The following CCSER1 variants were observed in gnomAD, a reference collection of about 807,000 sequenced individuals.
The protein encoded by CCSER1 is coiled-coil serine rich protein 1, also known as serine-rich coiled-coil domain-containing protein 1.
In CCSER1, 41 loss-of-function variants were observed where a neutral mutation model predicts 82.0. That is an observed-to-expected ratio of 0.50 (90% confidence interval 0.39 to 0.65). The LOEUF (loss-of-function observed/expected upper bound fraction) is 0.65. Ranked by LOEUF, CCSER1 falls within the 30% of genes least tolerant of loss-of-function variation. The probability of loss-of-function intolerance (pLI) is 0.00; values close to 1 mark genes in which losing one functional copy is unlikely to be tolerated. For missense variants in CCSER1, 1,119 were observed against 1,064.2 expected, an observed-to-expected ratio of 1.05 and a Z score of -0.72; for synonymous variants, 414 against 383.9, an observed-to-expected ratio of 1.08 and a Z score of -0.92.
At position 91,599,214 on chromosome 4, in the gene CCSER1, T is replaced by A; in HGVS notation, c.*157T>A. The A allele has an allele frequency of 1.0e-6, 1 of 954,478 alleles. No homozygotes were observed. The highest frequency in any genetic ancestry group is 1.5e-6 in the Non-Finnish European group (1 of 676,202). The allele number at this position is 954,478 out of a possible 1,614,324, so 59.1% of individuals were successfully genotyped here. A position where few individuals can be genotyped will look rare whatever the true frequency, so the allele number is the denominator to read the frequency against. On this transcript the variant is annotated 3_prime_UTR_variant, in exon 11 of 11. Coordinates refer to ENST00000509176, the MANE Select transcript of CCSER1 (RefSeq NM_001145065.2). ...TTTCTTAGTCATAAACAAAGACTTG[T>A]GGGTTTTTTTTTTCCAAGAGTGAAA... is the stretch of plus-strand genomic sequence containing the variant.
At chr4:90,457,667 G>T (rs899645829) in intron 4 of CCSER1, among the ~76,000 whole-genome samples, 3 of 152,122 alleles carry the variant, frequency 2.0e-5, no homozygotes, top group Non-Finnish European at 4.4e-5. Context: ...GCTTTTATGG[G>T]CTTCAAAGAG....
chr4:91,448,916 A>T (rs1020821781), intron 10 of CCSER1, among the ~76,000 whole-genome samples: 2 of 152,080 alleles, frequency 1.3e-5, no homozygotes. Context: ...AGACAGTGAT[A>T]AGAGTTTTGA....
chr4:90,153,656 A>C (rs1013533025), intron 1 of CCSER1, among the ~76,000 whole-genome samples: 1 of 152,038 alleles, frequency 6.6e-6, no homozygotes, highest in Non-Finnish European at 1.5e-5. Context: ...GCATTTTTTC[A>C]TGCGGTTTTT....
At chr4:90,156,874 T>C (rs1351587572) in intron 1 of CCSER1, among the ~76,000 whole-genome samples, 2 of 152,218 alleles carry the variant, frequency 1.3e-5, no homozygotes, top group South Asian at 2.1e-4. Context: ...TCCAGTTACA[T>C]TTAAAGTTAA....
rs6840606 is a variant in CCSER1 at position 90,821,523 on chromosome 4, A to G, written c.2094+5678A>G. On this transcript the variant is annotated intron_variant, in intron 8 of 10. Coordinates refer to ENST00000509176, the MANE Select transcript of CCSER1 (RefSeq NM_001145065.2). ...GTAGAATATATTGGACTTTTTGAAT[A>G]TTAGAAATACATCACTCTTATCCAA... is the stretch of plus-strand genomic sequence containing the variant. Among the ~76,000 whole-genome samples the G allele has an allele frequency of 3.8e-3, 583 of 152,322 alleles. 3 individuals carry two copies. The highest frequency in any genetic ancestry group is 0.013 in the African/African-American group (560 of 41,580).
intron 7 of CCSER1, among the ~76,000 whole-genome samples, chr4:90,801,302 C>T (rs144142457): frequency 3.3e-5 from 5 of 152,042 alleles, no homozygotes; most frequent in African/African-American, 1.2e-4. Flanking sequence ...TGTCTGAAAC[C>T]CTACTTATTC....
chr4:90,865,712 A>G (rs1456548441), intron 8 of CCSER1, among the ~76,000 whole-genome samples: 1 of 152,028 alleles, frequency 6.6e-6, no homozygotes, highest in Non-Finnish European at 1.5e-5. Context: ...CACCTAGGGG[A>G]CAGTTACAAC....
chr4:90,420,246 A>G (rs1756476496), intron 4 of CCSER1, among the ~76,000 whole-genome samples: 1 of 152,176 alleles, frequency 6.6e-6, no homozygotes, highest in East Asian at 1.9e-4. Context: ...ATTAAAAAAT[A>G]TTGAACTTAT....
At chr4:91,066,582 G>T (rs535419333) in intron 9 of CCSER1, among the ~76,000 whole-genome samples, 1 of 152,244 alleles carries the variant, frequency 6.6e-6, no homozygotes, top group East Asian at 1.9e-4. Flanking sequence ...TTCCAAAGCC[G>T]GTGTGAATAG....
chr4:90,954,518 C>T (rs1027538463), intron 9 of CCSER1, among the ~76,000 whole-genome samples: 1 of 151,958 alleles, frequency 6.6e-6, no homozygotes, highest in African/African-American at 2.4e-5. Flanking sequence ...TAACATAGTT[C>T]TCATCCCAAG....
intron 1 of CCSER1, among the ~76,000 whole-genome samples, chr4:90,277,690 A>G (rs1489743397): frequency 6.6e-6 from 1 of 152,006 alleles, no homozygotes. Flanking sequence ...AAGATGGATT[A>G]AAGACTTAAA....
At chr4:90,803,368 C>G (rs985678592) in intron 7 of CCSER1, among the ~76,000 whole-genome samples, 1 of 143,754 alleles carries the variant, frequency 7.0e-6, no homozygotes, top group East Asian at 2.1e-4. Flanking sequence ...CTTAGTCCCC[C>G]ACCCCCTGAC....
At chr4:91,441,795 G>A (rs1056370579) in intron 10 of CCSER1, among the ~76,000 whole-genome samples, 20 of 151,944 alleles carry the variant, frequency 1.3e-4, no homozygotes, top group African/African-American at 3.9e-4. Flanking sequence ...AAATCAATGT[G>A]CAAAAATCAC....
intron 1 of CCSER1, among the ~76,000 whole-genome samples, chr4:90,229,621 T>C (rs988993104): frequency 4.0e-5 from 6 of 151,494 alleles, no homozygotes; most frequent in African/African-American, 1.2e-4. Context: ...CACATAACAA[T>C]ATTACCTTTA....
intron 10 of CCSER1, among the ~76,000 whole-genome samples, chr4:91,333,370 T>A (rs1396551271): frequency 2.6e-5 from 4 of 152,074 alleles, no homozygotes; most frequent in Non-Finnish European, 5.9e-5. Flanking sequence ...TCAACTTATT[T>A]GCTGAGAAAA....
At chr4:90,978,949 C>G (rs1410831196) in intron 9 of CCSER1, among the ~76,000 whole-genome samples, 4 of 151,418 alleles carry the variant, frequency 2.6e-5, no homozygotes, top group Admixed American at 1.3e-4. Context: ...AAACTAAAAA[C>G]AAGGTAAAGT....
At chr4:90,463,603 T>C (rs1022406401) in intron 4 of CCSER1, among the ~76,000 whole-genome samples, 7 of 152,172 alleles carry the variant, frequency 4.6e-5, no homozygotes, top group Non-Finnish European at 8.8e-5. Flanking sequence ...ACATGGATCC[T>C]GGATATTTGG....
intron 8 of CCSER1, chr4:90,838,897 G>T: frequency 6.2e-7 from 1 of 1,613,156 alleles, no homozygotes; most frequent in Non-Finnish European, 8.5e-7. Context: ...GGCGGCGCAC[G>T]CCTCATTACG....
At chr4:91,468,574 G>T (rs1362813712) in intron 10 of CCSER1, among the ~76,000 whole-genome samples, 1 of 151,490 alleles carries the variant, frequency 6.6e-6, no homozygotes, top group African/African-American at 2.4e-5. Context: ...TTGATAAAAA[G>T]AAGCAATCAC....
Sources: gnomAD v4.1 joint callset for allele counts (sites outside exome capture counted in the v4.1 genomes callset) on GRCh38, gnomAD v4.1.1 for gene constraint, MANE v1.5 for transcripts, NCBI Gene and HGNC (gene_info 2026-07-23, HGNC 2026-07-21) for gene names.